IMPG1: variants seen among roughly 807,000 people sequenced by gnomAD.
IMPG1 encodes the protein interphotoreceptor matrix proteoglycan 1, also known as interphotoreceptor matrix proteoglycan of 150 kDa.
A neutral mutation model predicts 92.0 loss-of-function variants in IMPG1; 85 were observed. The ratio of observed to expected loss-of-function variants is 0.92; its 90% confidence interval spans 0.78 to 1.11. The LOEUF (loss-of-function observed/expected upper bound fraction) is 1.11. Among genes scored for constraint, IMPG1 ranks in the 50% least tolerant of loss-of-function variants. IMPG1 has a pLI of 0.00. For synonymous variants in IMPG1, 367 were observed against 334.1 expected (o/e 1.10, Z -1.08); for missense variants, 1,022 against 956.0 (o/e 1.07, Z -0.91).
intron 15 of IMPG1, among the ~76,000 whole-genome samples, chr6:75,924,549 A>G (rs1781494877): frequency 2.3e-5 from 1 of 44,324 alleles, no homozygotes; most frequent in African/African-American, 8.2e-5. Flanking sequence ...TATATAATAT[A>G]ATTAATATAA....
intron 13 of IMPG1, among the ~76,000 whole-genome samples, chr6:75,948,355 GGCTCTGAAA>G (rs142914869): frequency 0.034 from 5,114 of 151,934 alleles, 293 homozygotes; most frequent in African/African-American, 0.12. Flanking sequence ...CCTTGTCCTT[GGCTCTGAAA>G]GTGAGCCTCC....
intron 7 of IMPG1, among the ~76,000 whole-genome samples, chr6:76,011,695 ATCTAG>A (rs1783187804): frequency 6.7e-6 from 1 of 149,252 alleles, no homozygotes; most frequent in African/African-American, 2.5e-5. Flanking sequence ...CTAACTCGTC[ATCTAG>A]CATTAGGTAT....
At chr6:76,014,701 G>A (rs1783252171) in intron 7 of IMPG1, among the ~76,000 whole-genome samples, 1 of 152,172 alleles carries the variant, frequency 6.6e-6, no homozygotes. Flanking sequence ...TTATATACAT[G>A]AAAACAGTCA....
chr6:75,931,090 G>T lies in IMPG1; in HGVS notation c.2106C>A (p.Asn702Lys). Residue 702 changes from asparagine to lysine, a missense_variant, in exon 15 of 17, where the codon AAC (asparagine) becomes AAA (lysine). By Grantham distance (94) the Asn-to-Lys change is moderately conservative. Around this residue, in one of 3 missense-constraint regions of IMPG1, gnomAD observed 332 missense variants for 346.2 expected, o/e 0.96. Transcript: ENST00000369950. ...ACGEFAQCVK[N>K]ERTEEAECRC... ...GACACTCCGCTTCCTCAGTCCGTTC[G>T]TTCTTTACACATTGGGCAAATTCGC... is the stretch of plus-strand genomic sequence containing the variant. 1 of 1,614,130 alleles carries T rather than the reference G, an allele frequency of 6.2e-7. No individual in the cohort carries two copies.
At chr6:76,014,152 A>G (rs1219369499) in intron 7 of IMPG1, among the ~76,000 whole-genome samples, 1 of 152,218 alleles carries the variant, frequency 6.6e-6, no homozygotes, top group African/African-American at 2.4e-5. Flanking sequence ...ATGACAACTA[A>G]TAAGTAACAA....
chr6:75,971,440 C>T (rs1463081647), intron 12 of IMPG1, among the ~76,000 whole-genome samples: 6 of 151,898 alleles, frequency 4.0e-5, no homozygotes, highest in Admixed American at 2.6e-4. Context: ...GCACATTGTG[C>T]ACATGTACCC....
chr6:76,034,838 A>C (rs778802732), intron 2 of IMPG1, 51 bp from the exon 3 acceptor site: 1 of 1,478,544 alleles, frequency 6.8e-7, no homozygotes, highest in Non-Finnish European at 9.3e-7. Context: ...CCCCGTACCC[A>C]ATCCCAAGCA....
At chr6:76,001,859 C>CATTT (rs1185967393) in intron 12 of IMPG1, among the ~76,000 whole-genome samples, 1 of 152,160 alleles carries the variant, frequency 6.6e-6, no homozygotes, top group African/African-American at 2.4e-5. Context: ...AAGAAGTTAA[C>CATTT]ATTTATTCAC....
intron 9 of IMPG1, among the ~76,000 whole-genome samples, chr6:76,007,266 T>C (rs1357507825): frequency 6.6e-6 from 1 of 152,162 alleles, no homozygotes; most frequent in Non-Finnish European, 1.5e-5. Context: ...CAAGGAAATA[T>C]TTACCTGTAT....
At chr6:75,928,075 T>C (rs1296281543) in intron 15 of IMPG1, among the ~76,000 whole-genome samples, 3 of 152,108 alleles carry the variant, frequency 2.0e-5, no homozygotes, top group Non-Finnish European at 4.4e-5. Context: ...AAATAGCAAA[T>C]AGGGCTGATT....
intron 1 of IMPG1, among the ~76,000 whole-genome samples, chr6:76,045,441 CTTTTTTT>C (rs10700038): frequency 8.2e-6 from 1 of 122,438 alleles, no homozygotes; most frequent in Non-Finnish European, 1.7e-5. Context: ...CAACCTCCAT[CTTTTTTT>C]TTTTTTTTTT....
intron 15 of IMPG1, among the ~76,000 whole-genome samples, chr6:75,929,377 CTAT>C (rs1344719079): frequency 6.6e-6 from 1 of 152,004 alleles, no homozygotes; most frequent in Non-Finnish European, 1.5e-5. Context: ...TGGGTTTCTT[CTAT>C]GAATTGCACC....
intron 8 of IMPG1, among the ~76,000 whole-genome samples, chr6:76,009,714 G>A (rs1783152637): frequency 6.6e-6 from 1 of 152,156 alleles, no homozygotes; most frequent in South Asian, 2.1e-4. Context: ...AAAATTCAGT[G>A]TCAAGAGATA....
intron 12 of IMPG1, among the ~76,000 whole-genome samples, chr6:75,996,607 G>A (rs1427789856): frequency 6.6e-6 from 1 of 152,136 alleles, no homozygotes; most frequent in Non-Finnish European, 1.5e-5. Flanking sequence ...CATGAGGAGG[G>A]CTTTGAGGGA....
chr6:76,062,634 C>T (rs1784226008), intron 1 of IMPG1, among the ~76,000 whole-genome samples: 1 of 152,122 alleles, frequency 6.6e-6, no homozygotes, highest in Non-Finnish European at 1.5e-5. Flanking sequence ...GTTATGCTTA[C>T]CAGCTAGTTG....
At chr6:75,968,170 C>G (rs1782342105) in intron 12 of IMPG1, among the ~76,000 whole-genome samples, 1 of 152,200 alleles carries the variant, frequency 6.6e-6, no homozygotes. Flanking sequence ...GATGGGTAGA[C>G]TACCAGTGTT....
intron 12 of IMPG1, among the ~76,000 whole-genome samples, chr6:75,975,276 C>T (rs1373044582): frequency 1.2e-4 from 18 of 152,204 alleles, no homozygotes; most frequent in Non-Finnish European, 2.9e-5. Context: ...TGTTATAAAG[C>T]AGATATGGGG....
At chr6:76,046,192 T>C (rs562673871) in intron 1 of IMPG1, among the ~76,000 whole-genome samples, 1 of 152,330 alleles carries the variant, frequency 6.6e-6, no homozygotes, top group Admixed American at 6.5e-5. Context: ...AACACCAAGC[T>C]ACAGCTACTT....
chr6:76,048,431 C>T (rs1783981554), intron 1 of IMPG1, among the ~76,000 whole-genome samples: 1 of 152,174 alleles, frequency 6.6e-6, no homozygotes, highest in South Asian at 2.1e-4. Context: ...AAGCATCCAG[C>T]ACAGCATCTG....
Sources: gnomAD v4.1 joint callset for allele counts (sites outside exome capture counted in the v4.1 genomes callset) on GRCh38, gnomAD v4.1.1 for gene constraint, gnomAD v4.1.1 regional missense constraint, MANE v1.5 for transcripts, NCBI Gene and HGNC (gene_info 2026-07-23, HGNC 2026-07-21) for gene names.